The following KAZN variants were observed in gnomAD, a reference collection of about 807,000 sequenced individuals.
The protein encoded by KAZN is kazrin.
KAZN carries 40 observed loss-of-function variants against 87.4 expected under a neutral mutation model. The ratio of observed to expected loss-of-function variants is 0.46; its 90% CI spans 0.36 to 0.60. KAZN has a LOEUF of 0.60. KAZN is among the 20% of genes least tolerant of loss of function. KAZN has a pLI of 0.00. For synonymous variants in KAZN, 466 were observed against 458.3 expected (o/e 1.02, Z -0.22); for missense variants, 898 against 1,073.9 (o/e 0.84, Z 2.29).
chr1:15,060,364 G>A lies in KAZN; in HGVS notation c.1047+62G>A. 3 of 1,603,050 alleles carry A rather than the reference G, an allele frequency of 1.9e-6. No homozygotes were observed. In the Admixed American group the frequency reaches 5.1e-5, roughly 27 times the overall value. The stretch of plus-strand genomic sequence containing the variant: ...CCTGCCCAGAAACTGCAGGGGCGGG[G>A]GTGGCGGGGTGAAGCCATACTCGCT... On this transcript the variant is annotated intron_variant, in intron 6 of 14. Transcript: ENST00000376030.
intron 1 of KAZN, among the ~76,000 whole-genome samples, chr1:13,928,672 C>T (rs769173536): frequency 3.3e-5 from 5 of 152,144 alleles, no homozygotes; most frequent in Non-Finnish European, 7.3e-5. Flanking sequence ...TCCAGCAAGG[C>T]TCTGCATGGG....
At chr1:14,182,344 T>A (rs550128462) in intron 2 of KAZN, among the ~76,000 whole-genome samples, 78 of 152,310 alleles carry the variant, frequency 5.1e-4, no homozygotes, top group African/African-American at 1.8e-3. Flanking sequence ...AGAAACGTCA[T>A]GTGGAAACCC....
At chr1:14,141,668 G>A (rs982542934) in intron 1 of KAZN, among the ~76,000 whole-genome samples, 1 of 152,072 alleles carries the variant, frequency 6.6e-6, no homozygotes, top group African/African-American at 2.4e-5. Flanking sequence ...GTGGGGTCGG[G>A]TACCTGCCTG....
rs1638676634 is a variant in KAZN, at chr1:15,060,288, C to T, written c.1033C>T (p.His345Tyr). ...SDINSPRHRTHSLCNGDSPGP... is the reference protein window; with the variant it reads ...SDINSPRHRTYSLCNGDSPGP... ...CATCAACTCCCCTCGACACCGGACA[C>T]ACTCCCTCTGCAACGTAAGGCCAGC... Residue 345 changes from histidine to tyrosine, a missense_variant, in exon 6 of 15, where the codon CAC (histidine) becomes TAC (tyrosine). By Grantham distance (83) the His-to-Tyr change is moderately conservative. Coordinates refer to ENST00000376030, the MANE Select transcript of KAZN (RefSeq NM_201628.3). 1 of 1,614,078 alleles carries T rather than the reference C, an allele frequency of 6.2e-7. No homozygotes were observed. The highest frequency in any genetic ancestry group is 8.5e-7 in the Non-Finnish European group (1 of 1,180,014).
In KAZN at chr1:14,741,476, C is replaced by T. The variant is rs573520645; in HGVS notation, c.226+142253C>T. Among the ~76,000 whole-genome samples, 190 of 152,354 alleles carry T rather than the reference C, an allele frequency of 1.2e-3. 2 individuals are homozygous for T. The highest frequency in any genetic ancestry group is 3.9e-3 in the African/African-American group (161 of 41,590). On this transcript the variant is annotated intron_variant, in intron 1 of 14. Transcript: ENST00000376030. ...ACAGTTCCAGCCTCTTCTCTTGGGC[C>T]TCCTGGAAGGGAATGTCTGTCAGAA... is the stretch of plus-strand genomic sequence containing the variant.
At chr1:14,781,617 G>A (rs2100647122) in intron 1 of KAZN, among the ~76,000 whole-genome samples, 1 of 152,324 alleles carries the variant, frequency 6.6e-6, no homozygotes, top group South Asian at 2.1e-4. Flanking sequence ...TCAAATTCAA[G>A]GTTGCAATGT....
intron 1 of KAZN, among the ~76,000 whole-genome samples, chr1:14,613,066 G>A (rs1404613626): frequency 6.6e-6 from 1 of 152,170 alleles, no homozygotes; most frequent in Admixed American, 6.5e-5. Flanking sequence ...TTGCTTAGAA[G>A]CCTTGCTCCC....
At chr1:14,569,345 C>T (rs979394543) in intron 2 of KAZN, among the ~76,000 whole-genome samples, 11 of 52,864 alleles carry the variant, frequency 2.1e-4, no homozygotes, top group African/African-American at 1.1e-3. Context: ...TTTTTTGAGA[C>T]GGAGTCTCGC....
intron 1 of KAZN, among the ~76,000 whole-genome samples, chr1:14,884,070 A>G (rs1045882069): frequency 6.6e-6 from 1 of 152,116 alleles, no homozygotes; most frequent in Non-Finnish European, 1.5e-5. Context: ...GAGAAACTAC[A>G]TCACTCATCT....
At chr1:14,000,806 G>A (rs890244673) in intron 1 of KAZN, among the ~76,000 whole-genome samples, 3 of 150,588 alleles carry the variant, frequency 2.0e-5, no homozygotes, top group Non-Finnish European at 4.4e-5. Context: ...TTTTTGAGAC[G>A]GAGTCTCGCT....
chr1:14,197,209 A>AT (rs1366149071), intron 2 of KAZN, among the ~76,000 whole-genome samples: 3 of 151,720 alleles, frequency 2.0e-5, no homozygotes, highest in Non-Finnish European at 2.9e-5. Context: ...AGAAACGGGG[A>AT]TTTTTTTGTT....
intron 1 of KAZN, among the ~76,000 whole-genome samples, chr1:13,944,589 G>T (rs1570350777): frequency 6.6e-6 from 1 of 152,164 alleles, no homozygotes; most frequent in African/African-American, 2.4e-5. Context: ...TAGCACAAAG[G>T]CAGATGAAAG....
chr1:14,907,545 C>G (rs974785589), intron 1 of KAZN, among the ~76,000 whole-genome samples: 10 of 152,084 alleles, frequency 6.6e-5, no homozygotes, highest in Admixed American at 4.6e-4. Flanking sequence ...GCCCGAAGAC[C>G]CTTGGATGCC....
chr1:14,466,199 G>C (rs920977452), intron 2 of KAZN, among the ~76,000 whole-genome samples: 1 of 152,138 alleles, frequency 6.6e-6, no homozygotes, highest in Non-Finnish European at 1.5e-5. Context: ...GCCAAAAGCA[G>C]AAAGACAGGT....
At chr1:14,067,387 C>T (rs1032820984) in intron 1 of KAZN, among the ~76,000 whole-genome samples, 1 of 152,184 alleles carries the variant, frequency 6.6e-6, no homozygotes, top group Admixed American at 6.5e-5. Context: ...GCTGGAGAGA[C>T]TAAAGCTTTG....
intron 2 of KAZN, among the ~76,000 whole-genome samples, chr1:15,022,278 G>A (rs999518646): frequency 5.3e-5 from 8 of 152,120 alleles, no homozygotes; most frequent in Non-Finnish European, 8.8e-5. Flanking sequence ...CCCGCACCCC[G>A]CCCCAGGGTG....
chr1:14,882,309 A>AT (rs1417667324), intron 1 of KAZN, among the ~76,000 whole-genome samples: 10 of 152,208 alleles, frequency 6.6e-5, no homozygotes, highest in African/African-American at 1.9e-4. Context: ...GTTTTGCTAG[A>AT]TATGCTTTAG....
intron 1 of KAZN, among the ~76,000 whole-genome samples, chr1:14,683,144 C>T (rs553817777): frequency 7.2e-5 from 11 of 152,272 alleles, no homozygotes; most frequent in African/African-American, 2.6e-4. Context: ...CTCTGACCCT[C>T]AGTGCCTTCC....
intron 1 of KAZN, among the ~76,000 whole-genome samples, chr1:14,887,031 G>A (rs777589031): frequency 1.1e-4 from 16 of 152,092 alleles, no homozygotes; most frequent in African/African-American, 2.7e-4. Flanking sequence ...CTACCCCCAC[G>A]AGTGTGGTTG....
Sources: gnomAD v4.1 joint callset for allele counts (sites outside exome capture counted in the v4.1 genomes callset) on GRCh38, gnomAD v4.1.1 for gene constraint, MANE v1.5 for transcripts, NCBI Gene and HGNC (gene_info 2026-07-23, HGNC 2026-07-21) for gene names.